Variants in SGTA observed in about 807,000 individuals in gnomAD.
SGTA encodes the protein small glutamine rich tetratricopeptide repeat co-chaperone alpha, also known as small glutamine-rich tetratricopeptide repeat-containing protein alpha.
Under a neutral mutation model 44.3 loss-of-function variants are expected in SGTA, and 22 were observed. The observed-to-expected ratio is 0.50, with a 90% CI of 0.36 to 0.71. The LOEUF (loss-of-function observed/expected upper bound fraction) is 0.71. SGTA is among the 30% of genes least tolerant of loss of function. The probability of loss-of-function intolerance (pLI) is 0.00; values close to 1 mark genes in which losing one functional copy is unlikely to be tolerated. For missense variants in SGTA, 341 were observed against 435.9 expected (o/e 0.78, Z 1.94); for synonymous variants, 174 against 177.6 (o/e 0.98, Z 0.16).
rs537737254 is a variant in SGTA, at chr19:2,763,646, C to G, written c.497+7G>C. ...CTGGAAAGGCGCGGCCGTGGACAGG[C>G]ACTCACCCCATCCTGCCGTAGGCCT... On this transcript the variant is annotated splice_region_variant and intron_variant, in intron 6 of 11. Transcript: ENST00000221566. The surrounding 1 kb of genome is among the most constrained non-coding windows in gnomAD (Gnocchi z 5.8). 2 of 1,600,938 alleles carry G rather than the reference C, an allele frequency of 1.2e-6. No homozygotes were observed. The highest frequency in any genetic ancestry group is 4.5e-5 in the East Asian group (2 of 44,750).
At chr19:2,769,198 T>C in intron 1 of SGTA, 107 bp from the exon 2 acceptor site, 1 of 656,950 alleles carries the variant, frequency 1.5e-6, no homozygotes, top group East Asian at 2.7e-5. Context: ...TGCTGGCTGA[T>C]CTCAGCTCCA....
chr19:2,782,109 C>T (rs1915588966), intron 1 of SGTA, among the ~76,000 whole-genome samples: 1 of 152,120 alleles, frequency 6.6e-6, no homozygotes, highest in Non-Finnish European at 1.5e-5. Context: ...GTTTTTAAAG[C>T]ATTATTGACA....
At chr19:2,781,803 C>T (rs1020976835) in intron 1 of SGTA, among the ~76,000 whole-genome samples, 27 of 152,226 alleles carry the variant, frequency 1.8e-4, no homozygotes, top group Non-Finnish European at 3.8e-4. Context: ...CACACAGTCC[C>T]AGCTGCCCAT....
chr19:2,773,760 G>A (rs1485537267), intron 1 of SGTA, among the ~76,000 whole-genome samples: 3 of 65,186 alleles, frequency 4.6e-5, no homozygotes, highest in Non-Finnish European at 7.5e-5. Context: ...TGGGTGACGC[G>A]GCCACACGGC....
chr19:2,776,056 T>G (rs1157639398), intron 1 of SGTA, among the ~76,000 whole-genome samples: 1 of 152,074 alleles, frequency 6.6e-6, no homozygotes, highest in African/African-American at 2.4e-5. Context: ...AGATCTCATG[T>G]ACGACACATC....
At chr19:2,780,602 T>A (rs1408675342) in intron 1 of SGTA, among the ~76,000 whole-genome samples, 1 of 152,140 alleles carries the variant, frequency 6.6e-6, no homozygotes, top group African/African-American at 2.4e-5. Flanking sequence ...CAAACTCCTA[T>A]CTCTGGCCCA....
chr19:2,755,697 G>A lies in SGTA; in HGVS notation c.*243C>T, dbSNP rs1450600803. On this transcript the variant is annotated 3_prime_UTR_variant, in exon 12 of 12. Coordinates refer to ENST00000221566, the MANE Select transcript of SGTA (RefSeq NM_003021.4). The surrounding 1 kb of genome is among the most constrained non-coding windows in gnomAD (Gnocchi z 5.2). ...CTTTCTGGGGGCTGGAAGGGAGGTCGCTGCTGGTCTGTGCTCAGCTTGCTG... is the reference window on the plus strand; with the variant it reads ...CTTTCTGGGGGCTGGAAGGGAGGTCACTGCTGGTCTGTGCTCAGCTTGCTG... 4.7e-5 allele frequency: 46 copies of A among 985,478 alleles called. No individual in the cohort carries two copies. Among genetic ancestry groups the A allele is most frequent in the Middle Eastern group, 5.2e-4 (1 of 1,914 alleles). The allele number at this position is 985,478 out of a possible 1,614,324, so 61.0% of individuals were successfully genotyped here. A position where few individuals can be genotyped will look rare whatever the true frequency, so the allele number is the denominator to read the frequency against.
chr19:2,774,561 G>A (rs1305404421), intron 1 of SGTA, among the ~76,000 whole-genome samples: 1 of 152,118 alleles, frequency 6.6e-6, no homozygotes, highest in African/African-American at 2.4e-5. Context: ...CGTACACAGA[G>A]GCCTTCACCT....
chr19:2,770,648 T>C (rs1437851767), intron 1 of SGTA: 1 of 152,816 alleles, frequency 6.5e-6, no homozygotes. Context: ...ACCTTGTCTG[T>C]GTCTTTGCAG....
In SGTA at chr19:2,760,517, C is replaced by CAAA. The variant is rs58836148; in HGVS notation, c.699+940_699+942dup. ...TGGGCGACAGAGCGAGACTCCATCT[C>CAAA]AAAAAAAAAAAAAAAAAAAAAAACC... On this transcript the variant is annotated intron_variant, in intron 8 of 11. Transcript: ENST00000221566. Among the ~76,000 whole-genome samples, 337 of 51,518 alleles carry CAAA rather than the reference C, an allele frequency of 6.5e-3. 9 individuals are homozygous for CAAA. The highest frequency in any genetic ancestry group is 0.022 in the African/African-American group (320 of 14,482). The allele number at this position is 51,518 out of a possible 152,430, so 33.8% of individuals were successfully genotyped here. A position where few individuals can be genotyped will look rare whatever the true frequency, so the allele number is the denominator to read the frequency against.
At chr19:2,782,086 C>T (rs1045730484) in intron 1 of SGTA, among the ~76,000 whole-genome samples, 7 of 152,136 alleles carry the variant, frequency 4.6e-5, no homozygotes, top group African/African-American at 1.7e-4. Flanking sequence ...AGGTCATCAG[C>T]CCGTATGGTA....
chr19:2,774,607 G>A (rs990487927), intron 1 of SGTA, among the ~76,000 whole-genome samples: 4 of 152,044 alleles, frequency 2.6e-5, no homozygotes, highest in African/African-American at 9.7e-5. Flanking sequence ...CAGAGGCAGG[G>A]CACCAAAAGC....
At chr19:2,778,554 C>A (rs1195583900) in intron 1 of SGTA, among the ~76,000 whole-genome samples, 1 of 151,688 alleles carries the variant, frequency 6.6e-6, no homozygotes, top group South Asian at 2.1e-4. Flanking sequence ...AGGGTCTCCA[C>A]CCTACCCCAT....
chr19:2,781,891 G>T lies in SGTA; in HGVS notation c.-24+1342C>A, dbSNP rs571288112. Among the ~76,000 whole-genome samples the T allele has an allele frequency of 5.3e-5, 8 of 151,328 alleles. 1 individual carries two copies. Among genetic ancestry groups the T allele is most frequent in the African/African-American group, 1.7e-4 (7 of 41,102 alleles). ...GGGTCTCGCTCTGTCGCCCAGGCTG[G>T]AGTGCAGTGGCATGATGTTGGGTCA... On this transcript the variant is annotated intron_variant, in intron 1 of 11. Coordinates refer to ENST00000221566, the MANE Select transcript of SGTA (RefSeq NM_003021.4).
Position 2,755,351 on chromosome 19 carries a change from G to A in SGTA, c.*589C>T. ...GACGGCTCCTGAGCCGCGGAGGCGT[G>A]GGGTGACCGCAGCCGTCTCTTAGGT... On this transcript the variant is annotated 3_prime_UTR_variant, in exon 12 of 12. Transcript: ENST00000221566. This position sits in a 1 kb window ranked among gnomAD's most constrained non-coding sequence, Gnocchi z 5.2. The A allele has an allele frequency of 1.0e-6, 1 of 967,496 alleles. No homozygotes were observed. The highest frequency in any genetic ancestry group is 1.2e-6 in the Non-Finnish European group (1 of 811,632). The allele number at this position is 967,496 out of a possible 1,614,324, so 59.9% of individuals were successfully genotyped here. A position where few individuals can be genotyped will look rare whatever the true frequency, so the allele number is the denominator to read the frequency against.
intron 1 of SGTA, among the ~76,000 whole-genome samples, chr19:2,780,483 C>CTATG (rs1915547201): frequency 6.6e-6 from 1 of 152,166 alleles, no homozygotes; most frequent in African/African-American, 2.4e-5. Flanking sequence ...AGGCCTCTCA[C>CTATG]CAGCTGGGGG....
rs1914776042 is a variant in SGTA at position 2,754,888 on chromosome 19, C to T, written c.*1052G>A. On this transcript the variant is annotated 3_prime_UTR_variant, in exon 12 of 12. Transcript: ENST00000221566. This position sits in a 1 kb window ranked among gnomAD's most constrained non-coding sequence, Gnocchi z 4.4. ...CAGACGGCCAGGAGCCAGGGAGCCC[C>T]AGGATGCTCCGACTGACAACCCTGC... 6.6e-6 allele frequency: 1 copy of T among 152,276 alleles called. No individual in the cohort carries two copies. The highest frequency in any genetic ancestry group is 1.5e-5 in the Non-Finnish European group (1 of 68,124). 9.4% of individuals were successfully genotyped at this position (152,276 alleles called of 1,614,324 possible).
At chr19:2,762,301 G>A (rs984797794) in intron 7 of SGTA, among the ~76,000 whole-genome samples, 44 of 152,176 alleles carry the variant, frequency 2.9e-4, no homozygotes, top group Admixed American at 1.2e-3. Flanking sequence ...CCCTGCGGCC[G>A]GCCTCCTGCT....
At position 2,765,144 on chromosome 19, in the gene SGTA, G is replaced by T; in HGVS notation, c.392+42C>A. On this transcript the variant is annotated intron_variant, in intron 5 of 11. Transcript: ENST00000221566. The surrounding 1 kb of genome is among the most constrained non-coding windows in gnomAD (Gnocchi z 5.5). Reference sequence around the variant, plus strand: ...GCTAAGCATCCCGGAGGACGCCCCCGCACCCGGCCGCCCCTGCCCTGGGCA... The same window carrying T: ...GCTAAGCATCCCGGAGGACGCCCCCTCACCCGGCCGCCCCTGCCCTGGGCA... 6.9e-7 allele frequency: 1 copy of T among 1,450,860 alleles called. No homozygotes were observed. Among genetic ancestry groups the T allele is most frequent in the Non-Finnish European group, 9.7e-7 (1 of 1,032,242 alleles). 89.9% of individuals were successfully genotyped at this position (1,450,860 alleles called of 1,614,324 possible).
Sources: allele counts gnomAD v4.1 joint callset (sites outside exome capture counted in the v4.1 genomes callset), GRCh38; gene constraint gnomAD v4.1.1; non-coding constraint Gnocchi (gnomAD v3.1); transcripts MANE v1.5; gene names NCBI Gene and HGNC (gene_info 2026-07-23, HGNC 2026-07-21).